Variants in RABGAP1L observed in about 807,000 individuals in gnomAD.
RABGAP1L encodes the protein RAB GTPase activating protein 1 like.
RABGAP1L carries 63 observed loss-of-function variants against 137.7 expected under a neutral mutation model. The ratio of observed to expected loss-of-function variants is 0.46; its 90% CI spans 0.37 to 0.56. The LOEUF (loss-of-function observed/expected upper bound fraction) is 0.56. RABGAP1L is among the 20% of genes least tolerant of loss of function. The probability of loss-of-function intolerance (pLI) is 0.00; values close to 1 mark genes in which losing one functional copy is unlikely to be tolerated. For missense variants in RABGAP1L, 1,095 were observed against 1,244.0 expected (o/e 0.88, Z 1.80); for synonymous variants, 431 against 433.7 (o/e 0.99, Z 0.08).
intron 13 of RABGAP1L, among the ~76,000 whole-genome samples, chr1:174,549,923 T>G (rs1180841626): frequency 6.6e-6 from 1 of 152,162 alleles, no homozygotes; most frequent in East Asian, 1.9e-4. Flanking sequence ...ATCCAGCTAC[T>G]TGGGGGGCTG....
At chr1:174,365,828 T>C (rs936513943) in intron 11 of RABGAP1L, among the ~76,000 whole-genome samples, 3 of 152,198 alleles carry the variant, frequency 2.0e-5, no homozygotes, top group Non-Finnish European at 4.4e-5. Flanking sequence ...GTTTGGTTCT[T>C]ATGACAGTGT....
Position 174,430,946 on chromosome 1 carries a change from T to C in RABGAP1L, c.1710+36801T>C, listed in dbSNP as rs564095607. Among the ~76,000 whole-genome samples, 5 of 152,350 alleles carry C rather than the reference T, an allele frequency of 3.3e-5. No homozygotes were observed. The East Asian group carries it at 7.7e-4, about 23-fold the overall frequency. ...CAAGGTTTGATCATTCTATACTTCA[T>C]GGCTTTTTAAAATTCTAGTTGCTAT... is the stretch of plus-strand genomic sequence containing the variant. On this transcript the variant is annotated intron_variant, in intron 13 of 25. Coordinates refer to ENST00000681986, the MANE Select transcript of RABGAP1L (RefSeq NM_001366446.1).
intron 13 of RABGAP1L, among the ~76,000 whole-genome samples, chr1:174,486,282 AC>A (rs1659643377): frequency 2.0e-5 from 3 of 149,334 alleles, no homozygotes; most frequent in South Asian, 4.2e-4. Flanking sequence ...TTTTAAAAAA[AC>A]AATTTTTTGT....
intron 13 of RABGAP1L, among the ~76,000 whole-genome samples, chr1:174,423,602 A>G (rs1651611782): frequency 1.3e-5 from 2 of 152,186 alleles, no homozygotes; most frequent in Non-Finnish European, 2.9e-5. Flanking sequence ...CATGCTAAGT[A>G]ATATGCCTTG....
chr1:174,832,427 C>A (rs1471242802), intron 19 of RABGAP1L, among the ~76,000 whole-genome samples: 1 of 148,322 alleles, frequency 6.7e-6, no homozygotes. Context: ...CCTGGAGATA[C>A]TTGCTGCTGT....
chr1:174,209,077 C>T (rs1668691493), intron 1 of RABGAP1L, among the ~76,000 whole-genome samples: 1 of 152,186 alleles, frequency 6.6e-6, no homozygotes, highest in South Asian at 2.1e-4. Flanking sequence ...AGCACTCAAC[C>T]TAGATCCCTC....
At chr1:174,621,403 C>T (rs1348892213) in intron 13 of RABGAP1L, among the ~76,000 whole-genome samples, 2 of 152,196 alleles carry the variant, frequency 1.3e-5, no homozygotes, top group Non-Finnish European at 2.9e-5. Context: ...CAATTCAATC[C>T]TAAGCCAAAA....
At chr1:174,183,754 G>A (rs892578442) in intron 1 of RABGAP1L, among the ~76,000 whole-genome samples, 3 of 151,838 alleles carry the variant, frequency 2.0e-5, no homozygotes, top group Middle Eastern at 3.2e-3. Flanking sequence ...TAAAAATCCT[G>A]TCTTCAGCCT....
intron 13 of RABGAP1L, among the ~76,000 whole-genome samples, chr1:174,494,325 C>T (rs1660553155): frequency 6.6e-6 from 1 of 152,080 alleles, no homozygotes; most frequent in African/African-American, 2.4e-5. Flanking sequence ...TTCTGTTTTG[C>T]TGCTATTTAA....
chr1:174,983,029 C>A (rs1671267730), intron 24 of RABGAP1L, 124 bp downstream of exon 24: 2 of 985,702 alleles, frequency 2.0e-6, no homozygotes, highest in Non-Finnish European at 3.1e-6. Context: ...ATTATGGAGA[C>A]TAGGATACCT....
intron 13 of RABGAP1L, among the ~76,000 whole-genome samples, chr1:174,411,998 C>T (rs1258458383): frequency 2.0e-5 from 3 of 152,164 alleles, no homozygotes; most frequent in Admixed American, 2.0e-4. Flanking sequence ...TTAAGTCCAA[C>T]TGGACAAGTG....
chr1:174,185,219 T>C (rs1240094244), intron 1 of RABGAP1L, among the ~76,000 whole-genome samples: 2 of 152,228 alleles, frequency 1.3e-5, no homozygotes, highest in Non-Finnish European at 2.9e-5. Flanking sequence ...TATAATCTTT[T>C]AGATCTATTA....
At position 174,221,177 on chromosome 1, in the gene RABGAP1L, A is replaced by G; in HGVS notation, c.331+13A>G. On this transcript the variant is annotated intron_variant, in intron 3 of 25. Transcript: ENST00000681986. ...CCGTCTAACACAGGTACTGTATTGA[A>G]TTCTTAGAAACTATTAAAGAAATGG... The G allele has an allele frequency of 6.6e-7, 1 of 1,516,030 alleles. No individual in the cohort carries two copies. The highest frequency in any genetic ancestry group is 8.9e-7 in the Non-Finnish European group (1 of 1,128,508). 93.9% of individuals were successfully genotyped at this position (1,516,030 alleles called of 1,614,324 possible).
rs1664119084 is a variant in RABGAP1L, at chr1:174,528,527, T to C, written c.1711-108848T>C. On this transcript the variant is annotated intron_variant, in intron 13 of 25. Transcript: ENST00000681986. Reference sequence around the variant, plus strand: ...TTATTTCAGCGCTTGGAATACGTCATCCCATTTTCTCCTGGTCAGTAAGGT... The same window carrying C: ...TTATTTCAGCGCTTGGAATACGTCACCCCATTTTCTCCTGGTCAGTAAGGT... Among the ~76,000 whole-genome samples the C allele has an allele frequency of 2.0e-5, 3 of 151,772 alleles. No individual in the cohort carries two copies. The South Asian group carries it at 6.3e-4, about 32-fold the overall frequency.
At position 174,835,657 on chromosome 1, in the gene RABGAP1L, A is replaced by G. The variant is rs542951137; in HGVS notation, c.2340+23697A>G. Among the ~76,000 whole-genome samples, 12 of 152,138 alleles carry G rather than the reference A, an allele frequency of 7.9e-5. No homozygotes were observed. The South Asian group carries it at 1.2e-3, about 16-fold the overall frequency. ...CCAGCCTCCTCTGGCTTCTAAAATT[A>G]TTTTCTTTTCTGTTTTATAAGATGA... On this transcript the variant is annotated intron_variant, in intron 19 of 25. Coordinates refer to ENST00000681986, the MANE Select transcript of RABGAP1L (RefSeq NM_001366446.1).
chr1:174,750,409 T>A (rs1684256497), intron 17 of RABGAP1L, among the ~76,000 whole-genome samples: 1 of 152,126 alleles, frequency 6.6e-6, no homozygotes, highest in African/African-American at 2.4e-5. Flanking sequence ...CTTAGTCAGT[T>A]GGAGGGCTTA....
intron 13 of RABGAP1L, among the ~76,000 whole-genome samples, chr1:174,532,670 CA>C (rs1292675404): frequency 1.3e-5 from 2 of 151,986 alleles, no homozygotes; most frequent in African/African-American, 4.8e-5. Flanking sequence ...AATGGAAAGA[CA>C]ATACTATATT....
intron 1 of RABGAP1L, among the ~76,000 whole-genome samples, chr1:174,210,894 G>A (rs1426562147): frequency 6.6e-6 from 1 of 152,134 alleles, no homozygotes; most frequent in Non-Finnish European, 1.5e-5. Context: ...CATTGTGTCA[G>A]ACTTTTCAGT....
chr1:174,815,245 A>C (rs1356250032), intron 19 of RABGAP1L, among the ~76,000 whole-genome samples: 1 of 152,176 alleles, frequency 6.6e-6, no homozygotes, highest in Non-Finnish European at 1.5e-5. Flanking sequence ...GTGAGTCATC[A>C]TGCCATCATT....
Sources: gnomAD v4.1 joint callset for allele counts (sites outside exome capture counted in the v4.1 genomes callset) on GRCh38, gnomAD v4.1.1 for gene constraint, MANE v1.5 for transcripts, NCBI Gene and HGNC (gene_info 2026-07-23, HGNC 2026-07-21) for gene names.